The following NCKAP5 variants were observed in gnomAD, a reference collection of about 807,000 sequenced individuals.
NCKAP5 encodes the protein nck-associated protein 5.
A neutral mutation model predicts 167.0 loss-of-function variants in NCKAP5; 92 were observed. The ratio of observed to expected loss-of-function variants is 0.55; its 90% CI spans 0.47 to 0.66. NCKAP5 has a LOEUF of 0.66. Among genes scored for constraint, NCKAP5 ranks in the 30% least tolerant of loss-of-function variants. The probability of loss-of-function intolerance (pLI) is 0.00; values close to 1 mark genes in which losing one functional copy is unlikely to be tolerated. For missense variants in NCKAP5, 2,378 were observed against 2,315.0 expected, an observed-to-expected ratio of 1.03 and a Z score of -0.56; for synonymous variants, 891 against 877.4, an observed-to-expected ratio of 1.02 and a Z score of -0.27.
At chr2:133,342,414 GGTCA>G (rs1298566528) in intron 3 of NCKAP5, among the ~76,000 whole-genome samples, 4 of 152,132 alleles carry the variant, frequency 2.6e-5, no homozygotes, top group African/African-American at 9.7e-5. Context: ...ATAAGCTTCT[GGTCA>G]GTTAGAAGGC....
At chr2:132,881,704 C>T (rs1226546592) in intron 8 of NCKAP5, among the ~76,000 whole-genome samples, 16 of 152,036 alleles carry the variant, frequency 1.1e-4, no homozygotes, top group Non-Finnish European at 8.8e-5. Flanking sequence ...ATAGCAGCCA[C>T]GTGACATCCA....
intron 8 of NCKAP5, among the ~76,000 whole-genome samples, chr2:132,941,321 C>A (rs13016800): frequency 0.11 from 16,808 of 152,254 alleles, 1,131 homozygotes; most frequent in Middle Eastern, 0.2. Flanking sequence ...CTTTGGTGGA[C>A]CACTCTTCCC....
chr2:133,199,692 T>C (rs1370472056), intron 5 of NCKAP5, among the ~76,000 whole-genome samples: 2 of 151,938 alleles, frequency 1.3e-5, no homozygotes, highest in African/African-American at 4.8e-5. Context: ...TATACGATAA[T>C]ACCAGCAATT....
chr2:133,636,252 CAGGACACTAGCTT>C, the NCKAP5 span, among the ~76,000 whole-genome samples: 1 of 152,174 alleles, frequency 6.6e-6, no homozygotes. Context: ...GTTTAGAGGT[CAGGACACTAGCTT>C]AGGAGTATAC....
intron 6 of NCKAP5, among the ~76,000 whole-genome samples, chr2:133,054,058 G>C (rs2079703772): frequency 6.6e-6 from 1 of 152,172 alleles, no homozygotes; most frequent in Non-Finnish European, 1.5e-5. Context: ...GTGTTTATCA[G>C]TATCAAGGAA....
chr2:132,972,450 G>A (rs2149240480), intron 7 of NCKAP5, among the ~76,000 whole-genome samples: 1 of 152,276 alleles, frequency 6.6e-6, no homozygotes, highest in Middle Eastern at 3.4e-3. Flanking sequence ...TTTAGGCTGG[G>A]CGCGGTGGCT....
chr2:133,383,432 T>C (rs1234116559), intron 3 of NCKAP5, among the ~76,000 whole-genome samples: 1 of 152,248 alleles, frequency 6.6e-6, no homozygotes, highest in Non-Finnish European at 1.5e-5. Context: ...CCATGGTGTA[T>C]ATGTGCCACA....
chr2:133,550,062 C>G (rs1687145129), intron 2 of NCKAP5, among the ~76,000 whole-genome samples: 2 of 151,626 alleles, frequency 1.3e-5, no homozygotes, highest in South Asian at 4.2e-4. Flanking sequence ...AGTTGAATCT[C>G]TGAATAGACC....
At chr2:132,794,239 TATATATATATATATATATATATATAGAG>T (rs1200982237) in intron 12 of NCKAP5, among the ~76,000 whole-genome samples, 14 of 52,644 alleles carry the variant, frequency 2.7e-4, no homozygotes, top group South Asian at 7.8e-4. Context: ...TATATATATA[TATATATATATATATATATATATATAGAG>T]AGAGAGAGAG....
chr2:133,013,518 T>A (rs1313617440), intron 6 of NCKAP5, among the ~76,000 whole-genome samples: 1 of 152,066 alleles, frequency 6.6e-6, no homozygotes, highest in Non-Finnish European at 1.5e-5. Flanking sequence ...AACCACCAGA[T>A]CTCATGAGAC....
At chr2:132,920,644 T>G (rs1249173323) in intron 8 of NCKAP5, among the ~76,000 whole-genome samples, 2 of 132,616 alleles carry the variant, frequency 1.5e-5, no homozygotes, top group Non-Finnish European at 3.1e-5. Flanking sequence ...AGAGCTTATA[T>G]ATATATGGAA....
chr2:132,968,347 T>C (rs1269723524), intron 7 of NCKAP5, among the ~76,000 whole-genome samples: 2 of 152,170 alleles, frequency 1.3e-5, no homozygotes, highest in Admixed American at 6.5e-5. Context: ...AGGAATATTT[T>C]GAAGGGATTG....
At chr2:132,939,861 G>A (rs554754147) in intron 8 of NCKAP5, among the ~76,000 whole-genome samples, 12 of 152,240 alleles carry the variant, frequency 7.9e-5, no homozygotes, top group South Asian at 2.1e-4. Context: ...TTAGCTGGGT[G>A]TGGTGGTGGG....
At chr2:132,995,833 G>C (rs1421506382) in intron 6 of NCKAP5, among the ~76,000 whole-genome samples, 2 of 151,802 alleles carry the variant, frequency 1.3e-5, no homozygotes, top group East Asian at 1.9e-4. Context: ...AAATTAGCCG[G>C]GTGTGGTGGC....
intron 4 of NCKAP5, among the ~76,000 whole-genome samples, chr2:133,235,030 G>A (rs1037377798): frequency 3.3e-5 from 5 of 150,578 alleles, no homozygotes; most frequent in East Asian, 4.0e-4. Context: ...CTCAATGCAC[G>A]TTAGGTCCTT....
In NCKAP5 at chr2:133,538,330, G is replaced by A. The variant is rs186957970; in HGVS notation, c.-62+20720C>T. Among the ~76,000 whole-genome samples the A allele has an allele frequency of 3.6e-3, 543 of 152,204 alleles. 5 individuals are homozygous for A. The highest frequency in any genetic ancestry group is 0.012 in the African/African-American group (516 of 41,516). On this transcript the variant is annotated intron_variant, in intron 2 of 19. Coordinates refer to ENST00000409261, the MANE Select transcript of NCKAP5 (RefSeq NM_207363.3). ...ACTAAAGAAGTCAAATTAGGTGAGTGGCTCTTAAAAACTTTGAGAATCAGG... is the reference window on the plus strand; with the variant it reads ...ACTAAAGAAGTCAAATTAGGTGAGTAGCTCTTAAAAACTTTGAGAATCAGG...
At chr2:132,903,256 A>G (rs970188442) in intron 8 of NCKAP5, among the ~76,000 whole-genome samples, 1 of 152,238 alleles carries the variant, frequency 6.6e-6, no homozygotes, top group Non-Finnish European at 1.5e-5. Flanking sequence ...CCCACCAGAC[A>G]CATTTCAAAT....
chr2:132,895,042 G>A (rs944630657), intron 8 of NCKAP5, among the ~76,000 whole-genome samples: 7 of 152,144 alleles, frequency 4.6e-5, no homozygotes, highest in Middle Eastern at 3.4e-3. Flanking sequence ...CTAAAAAATC[G>A]AAATAAGGGC....
intron 11 of NCKAP5, among the ~76,000 whole-genome samples, chr2:132,801,911 G>A (rs1035340654): frequency 6.6e-6 from 1 of 152,130 alleles, no homozygotes; most frequent in African/African-American, 2.4e-5. Flanking sequence ...AGTTAATGAT[G>A]GCAGCAGAGA....
Sources: gnomAD v4.1 joint callset for allele counts (sites outside exome capture counted in the v4.1 genomes callset) on GRCh38, gnomAD v4.1.1 for gene constraint, MANE v1.5 for transcripts, NCBI Gene and HGNC (gene_info 2026-07-23, HGNC 2026-07-21) for gene names.